The following LPIN2 variants were observed in gnomAD, a reference collection of about 807,000 sequenced individuals.
LPIN2 encodes the protein lipin 2, also known as phosphatidate phosphatase LPIN2.
A neutral mutation model predicts 111.4 loss-of-function variants in LPIN2; 55 were observed. That is an observed-to-expected ratio of 0.49 (90% CI 0.40 to 0.62). The LOEUF (loss-of-function observed/expected upper bound fraction) is 0.62, where lower values mean the gene tolerates loss of function less well. Among genes scored for constraint, LPIN2 ranks in the 20% least tolerant of loss-of-function variants. The pLI is 0.00. For synonymous variants in LPIN2, 425 were observed against 414.0 expected (o/e 1.03, Z -0.32); for missense variants, 992 against 1,112.1 (o/e 0.89, Z 1.54).
intron 1 of LPIN2, chr18:2,967,630 A>T (rs989411254): frequency 4.6e-5 from 7 of 152,236 alleles, no homozygotes; most frequent in African/African-American, 1.7e-4. Flanking sequence ...ACTTAGCTAG[A>T]CAGAAGAAAG....
chr18:2,982,898 T>C (rs1598597955), intron 1 of LPIN2: 2 of 350,416 alleles, frequency 5.7e-6, no homozygotes, highest in East Asian at 8.0e-5. Context: ...TGAAAGGAAA[T>C]GGTTCTTAAA....
intron 1 of LPIN2, among the ~76,000 whole-genome samples, chr18:2,992,883 G>C (rs1236067528): frequency 6.6e-6 from 1 of 151,598 alleles, no homozygotes; most frequent in East Asian, 1.9e-4. Context: ...CTACTCGGGA[G>C]GCTGAGGCAG....
rs570485374 is a variant in LPIN2 at position 2,939,546 on chromosome 18, C to T, written c.756G>A (p.Ala252=). The T allele has an allele frequency of 3.5e-5, 57 of 1,614,036 alleles. No homozygotes were observed. The highest frequency in any genetic ancestry group is 5.0e-5 in the Admixed American group (3 of 60,022). Residue 252 remains alanine, a synonymous_variant, in exon 6 of 20, where the codon GCG becomes GCA. Transcript: ENST00000677752. ...KSDSELEVKP[A]ESLLRSESHM... The stretch of plus-strand genomic sequence containing the variant: ...GAGACTCTGATCTGAGCAGGCTCTC[C>T]GCAGGTTTCACCTCCAGCTCTGAAT...
At chr18:2,920,587 C>T in intron 19 of LPIN2, 150 bp from the exon 20 acceptor site, 1 of 912,322 alleles carries the variant, frequency 1.1e-6, no homozygotes, top group South Asian at 1.4e-5. Flanking sequence ...CAAACTCCCT[C>T]TTACAAGTCT....
chr18:2,932,738 G>A (rs57303493), intron 8 of LPIN2, among the ~76,000 whole-genome samples: 4,274 of 152,306 alleles, frequency 0.028, 115 homozygotes, highest in East Asian at 0.11. Flanking sequence ...CCCCTCCCCA[G>A]GGGCCCTCTC....
chr18:2,950,513 C>T lies in LPIN2; in HGVS notation c.590+542G>A, dbSNP rs189370333. ...GAAAACGGAATCTTGAATAAGAAAACGTGTTCTACTCCCAACTGCTACCTT... is the reference window on the plus strand; with the variant it reads ...GAAAACGGAATCTTGAATAAGAAAATGTGTTCTACTCCCAACTGCTACCTT... On this transcript the variant is annotated intron_variant, in intron 4 of 19. Transcript: ENST00000677752. The T allele has an allele frequency of 2.1e-3, 322 of 156,930 alleles. 1 individual carries two copies. Among genetic ancestry groups the T allele is most frequent in the African/African-American group, 7.4e-3 (307 of 41,566 alleles). The allele number at this position is 156,930 out of a possible 1,614,324, so 9.7% of individuals were successfully genotyped here.
intron 19 of LPIN2, 98 bp from the exon 20 acceptor site, chr18:2,920,535 G>A (rs2077038092): frequency 1.5e-6 from 2 of 1,371,024 alleles, no homozygotes; most frequent in African/African-American, 1.4e-5. Flanking sequence ...GATTGCTCAG[G>A]TGGGCAGGTT....
In LPIN2 at chr18:2,920,142, C is replaced by T. The variant is rs571000282; in HGVS notation, c.*151G>A. 118 of 1,030,780 alleles carry T rather than the reference C, an allele frequency of 1.1e-4. No individual in the cohort carries two copies. The African/African-American group carries it at 1.6e-3, about 14-fold the overall frequency. The allele number at this position is 1,030,780 out of a possible 1,614,324, so 63.9% of individuals were successfully genotyped here. ...AGACCTGCCGAGCCTGAGCAGCTGGCCTGGGAAGGCAAAGGAGGATGGCGG... is the reference window on the plus strand; with the variant it reads ...AGACCTGCCGAGCCTGAGCAGCTGGTCTGGGAAGGCAAAGGAGGATGGCGG... On this transcript the variant is annotated 3_prime_UTR_variant, in exon 20 of 20. Coordinates refer to ENST00000677752, the MANE Select transcript of LPIN2 (RefSeq NM_001375808.2).
rs755164449 is a variant in LPIN2, at chr18:2,925,230, G to C, written c.1932C>G (p.Asp644Glu). 6.2e-7 allele frequency: 1 copy of C among 1,614,206 alleles called. No homozygotes were observed. The stretch of plus-strand genomic sequence containing the variant: ...CAGATCATGCAAGACTCACGATCTG[G>C]TCTGAGGAGAGGCGGAGAGACTTCT... ...SYKKSLRLSS[D>E]QIAKLKLHDG... Residue 644 changes from aspartate to glutamate, a missense_variant, in exon 14 of 20, where the codon GAC becomes GAG. Around this residue, in one of 4 missense-constraint regions of LPIN2, gnomAD observed 709 missense variants for 753.2 expected, o/e 0.94. Coordinates refer to ENST00000677752, the MANE Select transcript of LPIN2 (RefSeq NM_001375808.2). This position sits in a 1 kb window ranked among gnomAD's most constrained non-coding sequence, Gnocchi z 4.1.
chr18:2,926,913 A>G (rs2077140976), intron 12 of LPIN2, 108 bp from the exon 13 acceptor site: 1 of 842,488 alleles, frequency 1.2e-6, no homozygotes, highest in African/African-American at 1.7e-5. Context: ...CTGAACCCAC[A>G]ACTTAAAAAT....
At chr18:3,007,417 C>T (rs1464904696) in intron 1 of LPIN2, among the ~76,000 whole-genome samples, 2 of 152,156 alleles carry the variant, frequency 1.3e-5, no homozygotes, top group Non-Finnish European at 2.9e-5. Context: ...GTGATCCGCC[C>T]GCCTGGGCCT....
chr18:2,938,514 A>G (rs191738809), intron 6 of LPIN2, among the ~76,000 whole-genome samples: 1 of 152,214 alleles, frequency 6.6e-6, no homozygotes, highest in East Asian at 1.9e-4. Context: ...ACAGAGCAAG[A>G]CTTTATCTCA....
intron 1 of LPIN2, among the ~76,000 whole-genome samples, chr18:3,009,795 G>A (rs1029018919): frequency 6.6e-6 from 1 of 152,166 alleles, no homozygotes; most frequent in Admixed American, 6.5e-5. Context: ...CCTGATCACC[G>A]AAATACAACA....
chr18:2,999,028 A>G (rs2143461655), intron 1 of LPIN2, among the ~76,000 whole-genome samples: 1 of 152,338 alleles, frequency 6.6e-6, no homozygotes. Context: ...CTTTCTGATC[A>G]TTAGTGAAGA....
chr18:2,986,560 A>AG (rs2078189364), intron 1 of LPIN2, among the ~76,000 whole-genome samples: 3 of 151,784 alleles, frequency 2.0e-5, no homozygotes, highest in Non-Finnish European at 4.4e-5. Context: ...AAAAAAAAAA[A>AG]AAAGAAAGAC....
chr18:2,945,972 T>C lies in LPIN2; in HGVS notation c.590+5083A>G, dbSNP rs145000347. 8.0e-4 allele frequency: 1,119 copies of C among 1,404,782 alleles called. 11 individuals are homozygous for C. In the African/African-American group the frequency reaches 0.014, roughly 18 times the overall value. 87.0% of individuals were successfully genotyped at this position (1,404,782 alleles called of 1,614,324 possible). The stretch of plus-strand genomic sequence containing the variant: ...TTTTTCTTCTACAACAGCTCCAGTA[T>C]TTCGTCCCCTCATGGAAAATAGGTA... On this transcript the variant is annotated intron_variant, in intron 4 of 19. Coordinates refer to ENST00000677752, the MANE Select transcript of LPIN2 (RefSeq NM_001375808.2).
At chr18:2,920,745 G>A in intron 19 of LPIN2, 33 bp downstream of exon 19, 1 of 1,544,838 alleles carries the variant, frequency 6.5e-7, no homozygotes, top group Non-Finnish European at 9.0e-7. Context: ...CCTGGCTGCA[G>A]GGCGCCGGGC....
chr18:2,983,837 T>C (rs1185393888), intron 1 of LPIN2, among the ~76,000 whole-genome samples: 2 of 152,200 alleles, frequency 1.3e-5, no homozygotes, highest in Non-Finnish European at 2.9e-5. Context: ...CTAGAAAATT[T>C]GAAATTACAC....
At chr18:2,920,559 C>T (rs2144111196) in intron 19 of LPIN2, 122 bp from the exon 20 acceptor site, 1 of 1,057,994 alleles carries the variant, frequency 9.5e-7, no homozygotes, top group Admixed American at 1.9e-5. Context: ...AGGCAGGCCT[C>T]AGTCCCATCA....
Sources: gnomAD v4.1 joint callset for allele counts (sites outside exome capture counted in the v4.1 genomes callset) on GRCh38, gnomAD v4.1.1 for gene constraint, gnomAD v4.1.1 regional missense constraint, Gnocchi (gnomAD v3.1) non-coding constraint, MANE v1.5 for transcripts, NCBI Gene and HGNC (gene_info 2026-07-23, HGNC 2026-07-21) for gene names.